Variants in SETBP1 observed in about 807,000 individuals in gnomAD.
SETBP1 encodes SET-binding protein.
In SETBP1, 9 loss-of-function variants were observed where a neutral mutation model predicts 101.0. The ratio of observed to expected loss-of-function variants is 0.09; its 90% CI spans 0.05 to 0.16. SETBP1 has a LOEUF of 0.16. Ranked by LOEUF, SETBP1 falls within the 10% of genes least tolerant of loss-of-function variation. The pLI is 1.00. For synonymous variants in SETBP1, 818 were observed against 788.5 expected (o/e 1.04, Z -0.63); for missense variants, 1,858 against 2,033.8 (o/e 0.91, Z 1.66).
chr18:44,803,817 T>C (rs776000727), intron 2 of SETBP1, among the ~76,000 whole-genome samples: 2 of 152,166 alleles, frequency 1.3e-5, no homozygotes, highest in Non-Finnish European at 2.9e-5. Flanking sequence ...TAAAAGAAAC[T>C]TTTTCCTATC....
intron 2 of SETBP1, among the ~76,000 whole-genome samples, chr18:44,859,603 C>T (rs562557148): frequency 2.2e-4 from 33 of 152,290 alleles, no homozygotes; most frequent in Admixed American, 2.0e-4. Flanking sequence ...ATAATACTAT[C>T]TTGCACTGAT....
At chr18:44,856,372 C>T (rs1199018791) in intron 2 of SETBP1, among the ~76,000 whole-genome samples, 1 of 152,192 alleles carries the variant, frequency 6.6e-6, no homozygotes, top group Non-Finnish European at 1.5e-5. Flanking sequence ...AAGCCAAGAG[C>T]ATGTCCCTGG....
intron 2 of SETBP1, among the ~76,000 whole-genome samples, chr18:44,726,376 T>C (rs2069706803): frequency 6.6e-6 from 1 of 152,214 alleles, no homozygotes; most frequent in Non-Finnish European, 1.5e-5. Context: ...TTGAGTTCTG[T>C]ATGGGAGGCA....
intron 2 of SETBP1, among the ~76,000 whole-genome samples, chr18:44,784,037 G>C (rs1297411363): frequency 6.6e-6 from 1 of 152,200 alleles, no homozygotes; most frequent in East Asian, 1.9e-4. Flanking sequence ...GTCACTGACA[G>C]GGACTTGGGT....
rs2073975624 is a variant in SETBP1, at chr18:45,066,973, G to A, written c.*3275G>A. On this transcript the variant is annotated 3_prime_UTR_variant, in exon 6 of 6. Transcript: ENST00000649279. ...CCCCTCATCTCAAATGAGAGGAGCA[G>A]AAGTTTAACTTCCTCAAATAGCCCA... 1 of 152,102 alleles carries A rather than the reference G, an allele frequency of 6.6e-6. No homozygotes were observed. The highest frequency in any genetic ancestry group is 2.4e-5 in the African/African-American group (1 of 41,414). 9.4% of individuals were successfully genotyped at this position (152,102 alleles called of 1,614,324 possible). A position where few individuals can be genotyped will look rare whatever the true frequency, so the allele number is the denominator to read the frequency against.
At chr18:44,784,336 T>A (rs975425850) in intron 2 of SETBP1, among the ~76,000 whole-genome samples, 1 of 152,200 alleles carries the variant, frequency 6.6e-6, no homozygotes, top group African/African-American at 2.4e-5. Flanking sequence ...TTTCTTTTTT[T>A]ACTTCCTCTG....
In SETBP1 at chr18:45,034,617, C is replaced by T. The variant is rs147637717; in HGVS notation, c.4001-3868C>T. On this transcript the variant is annotated intron_variant, in intron 4 of 5. Coordinates refer to ENST00000649279, the MANE Select transcript of SETBP1 (RefSeq NM_015559.3). ...GGTTTAAGTTTTCTGTATTTCCTTCCGGCTGTGTCTTTTAATTAAGAACAG... is the reference window on the plus strand; with the variant it reads ...GGTTTAAGTTTTCTGTATTTCCTTCTGGCTGTGTCTTTTAATTAAGAACAG... Among the ~76,000 whole-genome samples, 468 of 152,106 alleles carry T rather than the reference C, an allele frequency of 3.1e-3. 2 individuals carry two copies. Among genetic ancestry groups the T allele is most frequent in the African/African-American group, 0.011 (445 of 41,502 alleles).
Position 44,953,220 on chromosome 18 carries a change from G to C in SETBP1, c.3880G>C (p.Asp1294His). ...MNPSNDKWDSDVSGSKRRSYE... is the reference protein window; with the variant it reads ...MNPSNDKWDSHVSGSKRRSYE... Reference sequence around the variant, plus strand: ...CCCTTCGAATGACAAGTGGGACAGTGACGTGAGTGGGAGTAAAAGGAGGAG... The same window carrying C: ...CCCTTCGAATGACAAGTGGGACAGTCACGTGAGTGGGAGTAAAAGGAGGAG... The change falls in exon 4 of 6, where the codon GAC becomes CAC. Residue 1294 changes from aspartate (D) to histidine (H), a missense_variant. Around this residue, in one of 12 missense-constraint regions of SETBP1, gnomAD observed 417 missense variants for 389.1 expected, o/e 1.07. Transcript: ENST00000649279. The C allele has an allele frequency of 6.2e-7, 1 of 1,614,156 alleles. No homozygotes were observed.
intron 3 of SETBP1, among the ~76,000 whole-genome samples, chr18:44,873,589 G>C (rs578233988): frequency 6.6e-6 from 1 of 152,210 alleles, no homozygotes; most frequent in African/African-American, 2.4e-5. Context: ...CCAGAGCAGG[G>C]GAAGCATGGA....
chr18:45,063,412 A>C lies in SETBP1; in HGVS notation c.4505A>C (p.Gln1502Pro). ...SPLVLEPAAS[Q>P]DTIMATIEAV... is the part of the protein sequence containing the mutation. ...CTGGTGCTGGAGCCCGCCGCCAGCC[A>C]AGACACCATCATGGCCACCATCGAG... Residue 1502 changes from glutamine to proline, a missense_variant, in exon 6 of 6, where the codon CAA becomes CCA. Gln to Pro is a moderately conservative substitution (Grantham distance 76). Around this residue, in one of 12 missense-constraint regions of SETBP1, gnomAD observed 178 missense variants for 189.1 expected, o/e 0.94. Transcript: ENST00000649279. 1 of 1,531,744 alleles carries C rather than the reference A, an allele frequency of 6.5e-7. No homozygotes were observed. The highest frequency in any genetic ancestry group is 2.4e-5 in the East Asian group (1 of 40,914). 94.9% of individuals were successfully genotyped at this position (1,531,744 alleles called of 1,614,324 possible).
At chr18:44,940,237 T>C (rs1368408484) in intron 3 of SETBP1, among the ~76,000 whole-genome samples, 1 of 152,204 alleles carries the variant, frequency 6.6e-6, no homozygotes, top group Non-Finnish European at 1.5e-5. Flanking sequence ...TGTTCCCTCC[T>C]TTTACTTTTA....
chr18:45,058,800 G>A (rs1364768576), intron 5 of SETBP1, among the ~76,000 whole-genome samples: 1 of 152,204 alleles, frequency 6.6e-6, no homozygotes, highest in Non-Finnish European at 1.5e-5. Context: ...TGCCATCAAT[G>A]GAGATTGGCT....
intron 2 of SETBP1, among the ~76,000 whole-genome samples, chr18:44,732,040 G>A (rs1190118664): frequency 6.6e-6 from 1 of 152,122 alleles, no homozygotes; most frequent in East Asian, 1.9e-4. Flanking sequence ...TGTGTGTGAG[G>A]TGCATGTTCT....
intron 2 of SETBP1, among the ~76,000 whole-genome samples, chr18:44,766,914 T>C (rs1438561066): frequency 6.6e-6 from 1 of 152,100 alleles, no homozygotes; most frequent in Non-Finnish European, 1.5e-5. Flanking sequence ...TATCTTTGAG[T>C]ATGGATCTAT....
At chr18:45,026,496 C>T (rs560379645) in intron 4 of SETBP1, among the ~76,000 whole-genome samples, 5 of 152,188 alleles carry the variant, frequency 3.3e-5, no homozygotes, top group South Asian at 4.2e-4. Flanking sequence ...TTTACTTTAC[C>T]GAAGCTCCAA....
intron 2 of SETBP1, among the ~76,000 whole-genome samples, chr18:44,738,828 T>C (rs1377708356): frequency 6.7e-6 from 1 of 148,792 alleles, no homozygotes; most frequent in Non-Finnish European, 1.5e-5. Context: ...CACACACACA[T>C]ACACACACAG....
intron 3 of SETBP1, among the ~76,000 whole-genome samples, chr18:44,910,924 A>C (rs1281548344): frequency 6.6e-6 from 1 of 151,724 alleles, no homozygotes; most frequent in Non-Finnish European, 1.5e-5. Context: ...CTAACTTGCC[A>C]CTCTCTGAAG....
chr18:45,053,141 T>C lies in SETBP1; in HGVS notation c.4172-9938T>C, dbSNP rs558227121. Among the ~76,000 whole-genome samples, 206 of 151,570 alleles carry C rather than the reference T, an allele frequency of 1.4e-3. 2 individuals carry two copies. The highest frequency in any genetic ancestry group is 4.9e-3 in the African/African-American group (202 of 41,306). ...GAATGTTGTTGGGGGAAAAAAAAAA[T>C]GCAGTTTTTAAAAAATGTAGCTTTT... On this transcript the variant is annotated intron_variant, in intron 5 of 5. Coordinates refer to ENST00000649279, the MANE Select transcript of SETBP1 (RefSeq NM_015559.3).
chr18:44,897,127 G>A (rs1307112622), intron 3 of SETBP1, among the ~76,000 whole-genome samples: 2 of 152,146 alleles, frequency 1.3e-5, no homozygotes, highest in African/African-American at 4.8e-5. Flanking sequence ...GGTTAAGATT[G>A]CATTTGCGCT....
Sources: gnomAD v4.1 joint callset for allele counts (sites outside exome capture counted in the v4.1 genomes callset) on GRCh38, gnomAD v4.1.1 for gene constraint, gnomAD v4.1.1 regional missense constraint, MANE v1.5 for transcripts, NCBI Gene and HGNC (gene_info 2026-07-23, HGNC 2026-07-21) for gene names.